The following ABCA12 variants were observed in gnomAD, a reference collection of about 807,000 sequenced individuals.
ABCA12 encodes glucosylceramide transporter ABCA12.
ABCA12 carries 156 observed loss-of-function variants against 293.5 expected under a neutral mutation model. The observed-to-expected ratio is 0.53, with a 90% CI of 0.47 to 0.61. The LOEUF is 0.61. ABCA12 is among the 20% of genes least tolerant of loss of function. ABCA12 has a pLI of 0.00. For missense variants in ABCA12, 2,797 were observed against 3,090.2 expected, an observed-to-expected ratio of 0.91 and a Z score of 2.25; for synonymous variants, 1,063 against 1,108.0, an observed-to-expected ratio of 0.96 and a Z score of 0.81.
At position 214,997,720 on chromosome 2, in the gene ABCA12, T is replaced by C. The variant is rs1490225950; in HGVS notation, c.3269A>G (p.Tyr1090Cys). 6.2e-7 allele frequency: 1 copy of C among 1,612,778 alleles called. No individual in the cohort carries two copies. Among genetic ancestry groups the C allele is most frequent in the Non-Finnish European group, 8.5e-7 (1 of 1,178,956 alleles). Residue 1090 changes from tyrosine to cysteine, a missense_variant, in exon 23 of 53, where the codon TAT (tyrosine) becomes TGT (cysteine). Transcript: ENST00000272895. The stretch of plus-strand genomic sequence containing the variant: ...CTCATGAAGCCGGAGGTCTTTCTCA[T>C]AGACAAGCTTTTTTACAAAGGCAGC... ...FIAAFVKKLV[Y>C]EKDLRLHEYM...
At chr2:214,997,074 G>A (rs373042936) in intron 23 of ABCA12, among the ~76,000 whole-genome samples, 2 of 152,172 alleles carry the variant, frequency 1.3e-5, no homozygotes, top group East Asian at 3.8e-4. Flanking sequence ...GGTTAATGAT[G>A]AAGAACGTGC....
chr2:215,051,924 A>G (rs572351173), intron 5 of ABCA12, among the ~76,000 whole-genome samples: 2 of 152,260 alleles, frequency 1.3e-5, no homozygotes, highest in South Asian at 4.1e-4. Flanking sequence ...ACACACTCAC[A>G]CACACATTTA....
At chr2:215,075,810 G>T in intron 2 of ABCA12, 1 of 479,738 alleles carries the variant, frequency 2.1e-6, no homozygotes, top group Admixed American at 4.0e-5. Context: ...TATTATCACA[G>T]TGAATTTTGT....
intron 43 of ABCA12, among the ~76,000 whole-genome samples, chr2:214,954,518 GA>G (rs1698881368): frequency 6.6e-6 from 1 of 152,146 alleles, no homozygotes. Context: ...CTAAAATGCT[GA>G]AATGAGGTAG....
At chr2:215,013,868 T>C (rs1275022375) in intron 15 of ABCA12, among the ~76,000 whole-genome samples, 1 of 152,156 alleles carries the variant, frequency 6.6e-6, no homozygotes, top group Non-Finnish European at 1.5e-5. Flanking sequence ...AACATACTAG[T>C]GGTGCAAACG....
chr2:214,956,587 G>T, intron 42 of ABCA12, 76 bp downstream of exon 42: 1 of 1,046,842 alleles, frequency 9.6e-7, no homozygotes, highest in Non-Finnish European at 1.5e-6. Context: ...TTTAGCTAAT[G>T]AGATTTAAGT....
intron 2 of ABCA12, among the ~76,000 whole-genome samples, chr2:215,106,642 G>A (rs1362687663): frequency 6.6e-6 from 1 of 151,696 alleles, no homozygotes; most frequent in Non-Finnish European, 1.5e-5. Context: ...ACTAAGGCAT[G>A]CAAAGTACTT....
In ABCA12 at chr2:214,932,322, T is replaced by C. The variant is rs1260024811; in HGVS notation, c.*312A>G. The C allele has an allele frequency of 3.3e-6, 1 of 303,620 alleles. No individual in the cohort carries two copies. The highest frequency in any genetic ancestry group is 6.2e-6 in the Non-Finnish European group (1 of 160,096). The allele number at this position is 303,620 out of a possible 1,614,324, so 18.8% of individuals were successfully genotyped here. On this transcript the variant is annotated 3_prime_UTR_variant, in exon 53 of 53. Coordinates refer to ENST00000272895, the MANE Select transcript of ABCA12 (RefSeq NM_173076.3). The stretch of plus-strand genomic sequence containing the variant: ...AAATCCATGCCTTTTAAACTGTCTT[T>C]TTATTGAAAGTAATAAATTAAGATA...
At chr2:215,059,742 C>A (rs1701491404) in intron 3 of ABCA12, among the ~76,000 whole-genome samples, 1 of 151,912 alleles carries the variant, frequency 6.6e-6, no homozygotes, top group African/African-American at 2.4e-5. Flanking sequence ...TCTCAGATGA[C>A]ACTGTGCAGA....
intron 1 of ABCA12, among the ~76,000 whole-genome samples, chr2:215,135,588 T>G (rs879299378): frequency 2.0e-5 from 3 of 152,252 alleles, no homozygotes; most frequent in Non-Finnish European, 4.4e-5. Flanking sequence ...TTTAGAATGA[T>G]TATGAATGTA....
chr2:215,094,041 C>T (rs1702201390), intron 2 of ABCA12, among the ~76,000 whole-genome samples: 1 of 152,134 alleles, frequency 6.6e-6, no homozygotes, highest in African/African-American at 2.4e-5. Context: ...ACCACTCTAC[C>T]CGCCTCCACT....
intron 2 of ABCA12, among the ~76,000 whole-genome samples, chr2:215,083,798 G>T (rs1203724295): frequency 1.3e-5 from 2 of 152,084 alleles, no homozygotes; most frequent in Non-Finnish European, 2.9e-5. Context: ...AAGCTAAGTG[G>T]CATGTCATGC....
chr2:215,022,915 C>T (rs1700660885), intron 11 of ABCA12: 1 of 151,944 alleles, frequency 6.6e-6, no homozygotes, highest in Admixed American at 6.6e-5. Flanking sequence ...ATGCATAGCT[C>T]CCTAATCAGG....
chr2:215,064,744 A>G (rs1701608682), intron 2 of ABCA12, among the ~76,000 whole-genome samples: 1 of 151,648 alleles, frequency 6.6e-6, no homozygotes, highest in Non-Finnish European at 1.5e-5. Flanking sequence ...AACATGTACT[A>G]AAAAATCCAA....
chr2:215,054,416 G>A (rs941388850), intron 4 of ABCA12, among the ~76,000 whole-genome samples, 157 bp downstream of exon 4: 3 of 152,002 alleles, frequency 2.0e-5, no homozygotes, highest in East Asian at 1.9e-4. Context: ...TAATTGCACC[G>A]CCATACTCAG....
chr2:215,056,351 A>T (rs10932586), intron 3 of ABCA12, among the ~76,000 whole-genome samples: 97,504 of 151,884 alleles, frequency 0.64, 31,942 homozygotes, highest in African/African-American at 0.77. Flanking sequence ...AGACAAACTC[A>T]TTCCCTTCTC....
chr2:214,990,298 G>T (rs1268154566), intron 24 of ABCA12, among the ~76,000 whole-genome samples: 1 of 152,146 alleles, frequency 6.6e-6, no homozygotes, highest in African/African-American at 2.4e-5. Flanking sequence ...TGGTGCATTT[G>T]TCTTTACACC....
intron 2 of ABCA12, among the ~76,000 whole-genome samples, chr2:215,108,318 A>G (rs1223810731): frequency 6.6e-6 from 1 of 152,230 alleles, no homozygotes; most frequent in Non-Finnish European, 1.5e-5. Flanking sequence ...TCTTGATTTC[A>G]TAATTGAGGC....
chr2:214,959,180 C>A, intron 39 of ABCA12, 102 bp from the exon 40 acceptor site: 1 of 1,042,326 alleles, frequency 9.6e-7, no homozygotes, highest in Non-Finnish European at 1.5e-6. Context: ...ATATTATTAT[C>A]TAAACAATTT....
Sources: allele counts gnomAD v4.1 joint callset (sites outside exome capture counted in the v4.1 genomes callset), GRCh38; gene constraint gnomAD v4.1.1; transcripts MANE v1.5; gene names NCBI Gene and HGNC (gene_info 2026-07-23, HGNC 2026-07-21).